Variants in ADGRB1 observed in about 807,000 individuals in gnomAD.
The protein encoded by ADGRB1 is brain-specific angiogenesis inhibitor 1.
In ADGRB1, 36 loss-of-function variants were observed where a neutral mutation model predicts 175.7. That is an observed-to-expected ratio of 0.20 (90% CI 0.16 to 0.27). The LOEUF (loss-of-function observed/expected upper bound fraction) is 0.27, where lower values mean the gene tolerates loss of function less well. Ranked by LOEUF, ADGRB1 falls within the 10% of genes least tolerant of loss-of-function variation. The pLI is 1.00. For synonymous variants in ADGRB1, 1,054 were observed against 979.4 expected (o/e 1.08, Z -1.42); for missense variants, 1,731 against 2,255.3 (o/e 0.77, Z 4.71).
chr8:142,486,772 A>G (rs1373254753), intron 13 of ADGRB1, among the ~76,000 whole-genome samples: 2 of 152,230 alleles, frequency 1.3e-5, no homozygotes, highest in African/African-American at 4.8e-5. Context: ...TAATCCCAGC[A>G]GTTCAGGAGG....
At position 142,462,311 on chromosome 8, in the gene ADGRB1, C is replaced by T. The variant is rs1299479357; in HGVS notation, c.-219-1669C>T. Among the ~76,000 whole-genome samples the T allele has an allele frequency of 2.6e-5, 4 of 152,320 alleles. No homozygotes were observed. In the East Asian group the frequency reaches 5.8e-4, roughly 22 times the overall value. On this transcript the variant is annotated intron_variant, in intron 1 of 30. Transcript: ENST00000517894. ...GCCAGCTTCCTCCCCCTGCTGGAAGCACTTCCTGCAGCCCCCTGGCTAAAA... is the reference window on the plus strand; with the variant it reads ...GCCAGCTTCCTCCCCCTGCTGGAAGTACTTCCTGCAGCCCCCTGGCTAAAA...
intron 2 of ADGRB1, among the ~76,000 whole-genome samples, chr8:142,472,531 C>T (rs1297792607): frequency 6.6e-6 from 1 of 152,226 alleles, no homozygotes; most frequent in Non-Finnish European, 1.5e-5. Context: ...AACACCTCTG[C>T]ACCCTGCACT....
rs1199284083 is a variant in ADGRB1, at chr8:142,492,411, G to A, written c.2675+1596G>A. ...GGTGATGCCCGGCCGTGCATGGGCC[G>A]GGAAGGGAAGCTAGCAGGGTCTGGA... is the stretch of plus-strand genomic sequence containing the variant. On this transcript the variant is annotated intron_variant, in intron 17 of 30. Transcript: ENST00000517894. This position sits in a 1 kb window ranked among gnomAD's most constrained non-coding sequence, Gnocchi z 4.4. Among the ~76,000 whole-genome samples, 2 of 152,162 alleles carry A rather than the reference G, an allele frequency of 1.3e-5. No homozygotes were observed. The highest frequency in any genetic ancestry group is 4.8e-5 in the African/African-American group (2 of 41,434).
At chr8:142,513,067 C>A (rs1465410040) in intron 18 of ADGRB1, among the ~76,000 whole-genome samples, 1 of 152,180 alleles carries the variant, frequency 6.6e-6, no homozygotes, top group Non-Finnish European at 1.5e-5. Flanking sequence ...GTTAGCCCAG[C>A]CCACGCACAC....
At chr8:142,518,341 C>G (rs1465070296) in intron 19 of ADGRB1, 100 bp downstream of exon 19, 2 of 1,260,886 alleles carry the variant, frequency 1.6e-6, no homozygotes, top group Admixed American at 1.8e-5. Flanking sequence ...GCCCCTCCCT[C>G]CATTTGTCCT....
rs1473989725 is a variant in ADGRB1, at chr8:142,464,360, C to T, written c.162C>T (p.Tyr54=). Residue 54 remains tyrosine, a synonymous_variant, in exon 2 of 31, where the codon TAC becomes TAT. Coordinates refer to ENST00000517894, the MANE Select transcript of ADGRB1 (RefSeq NM_001702.3). ...TGGTGCAGGGAAAGTTCTTCGGCTA[C>T]TTCTCCGCGGCCGCCGTGTTCCCGG... The part of the protein sequence containing the change: ...ATLVQGKFFG[Y]FSAAAVFPAN... 4 of 1,520,552 alleles carry T rather than the reference C, an allele frequency of 2.6e-6. No homozygotes were observed. The highest frequency in any genetic ancestry group is 3.5e-6 in the Non-Finnish European group (4 of 1,138,864). 94.2% of individuals were successfully genotyped at this position (1,520,552 alleles called of 1,614,324 possible). A position where few individuals can be genotyped will look rare whatever the true frequency, so the allele number is the denominator to read the frequency against.
Position 142,476,800 on chromosome 8 carries a change from C to G in ADGRB1, c.1057+105C>G, listed in dbSNP as rs940226306. The G allele has an allele frequency of 1.0e-5, 12 of 1,168,002 alleles. No homozygotes were observed. The African/African-American group carries it at 1.8e-4, about 18-fold the overall frequency. 72.4% of individuals were successfully genotyped at this position (1,168,002 alleles called of 1,614,324 possible). A position where few individuals can be genotyped will look rare whatever the true frequency, so the allele number is the denominator to read the frequency against. ...TAGTAACTTGAATAACATGCCATAA[C>G]TAGACTAAACCCTTAGGTGCAGGGC... On this transcript the variant is annotated intron_variant, in intron 4 of 30. Transcript: ENST00000517894.
At chr8:142,520,707 G>A (rs1193965253) in intron 19 of ADGRB1, 116 bp from the exon 20 acceptor site, 2 of 805,432 alleles carry the variant, frequency 2.5e-6, no homozygotes, top group Non-Finnish European at 4.3e-6. Flanking sequence ...GGTGCTGTTG[G>A]TGACAATGCC....
intron 1 of ADGRB1, among the ~76,000 whole-genome samples, chr8:142,457,629 G>A (rs1209289848): frequency 2.0e-5 from 3 of 152,162 alleles, no homozygotes; most frequent in Non-Finnish European, 4.4e-5. Flanking sequence ...ACGTGACCTG[G>A]GCTCTCTACG....
At chr8:142,469,255 GTGAA>G (rs1275602222) in intron 2 of ADGRB1, among the ~76,000 whole-genome samples, 1 of 150,636 alleles carries the variant, frequency 6.6e-6, no homozygotes, top group Non-Finnish European at 1.5e-5. Context: ...ATGCATGTGT[GTGAA>G]TGTGTGTGCA....
chr8:142,540,215 G>A (rs73714319), intron 27 of ADGRB1, among the ~76,000 whole-genome samples: 182 of 152,364 alleles, frequency 1.2e-3, no homozygotes, highest in African/African-American at 4.2e-3. Flanking sequence ...GACAGCCCCA[G>A]GTGGGGAGTG....
Position 142,522,122 on chromosome 8 carries a change from C to G in ADGRB1, c.3175+7C>G, listed in dbSNP as rs770731257. ...TTCCTCTGCCTGGGCTGGGGTGAGC[C>G]GCGGCCTTCCCGACCCTCCTGGACA... On this transcript the variant is annotated splice_region_variant and intron_variant, in intron 21 of 30. Coordinates refer to ENST00000517894, the MANE Select transcript of ADGRB1 (RefSeq NM_001702.3). The G allele has an allele frequency of 6.2e-7, 1 of 1,606,658 alleles. No homozygotes were observed. Among genetic ancestry groups the G allele is most frequent in the Non-Finnish European group, 8.5e-7 (1 of 1,179,402 alleles).
At chr8:142,518,588 G>A (rs1348529440) in intron 19 of ADGRB1, among the ~76,000 whole-genome samples, 1 of 152,180 alleles carries the variant, frequency 6.6e-6, no homozygotes, top group African/African-American at 2.4e-5. Context: ...CCCCAGTCAG[G>A]CCTTAAGGCC....
In ADGRB1 at chr8:142,543,279, T is replaced by C; in HGVS notation, c.4414-124T>C. 7.6e-7 allele frequency: 1 copy of C among 1,314,408 alleles called. No homozygotes were observed. The highest frequency in any genetic ancestry group is 1.3e-5 in the South Asian group (1 of 75,328). The allele number at this position is 1,314,408 out of a possible 1,614,324, so 81.4% of individuals were successfully genotyped here. A position where few individuals can be genotyped will look rare whatever the true frequency, so the allele number is the denominator to read the frequency against. Reference sequence around the variant, plus strand: ...CGCCCCCAGGCATGTCCCCTGGGTCTGGCCTGGTCCCTGAAGGCAGGCATG... The same window carrying C: ...CGCCCCCAGGCATGTCCCCTGGGTCCGGCCTGGTCCCTGAAGGCAGGCATG... On this transcript the variant is annotated intron_variant, in intron 28 of 30. Coordinates refer to ENST00000517894, the MANE Select transcript of ADGRB1 (RefSeq NM_001702.3). This position sits in a 1 kb window ranked among gnomAD's most constrained non-coding sequence, Gnocchi z 4.4.
intron 11 of ADGRB1, 94 bp downstream of exon 11, chr8:142,481,805 C>G: frequency 9.0e-7 from 1 of 1,114,154 alleles, no homozygotes; most frequent in South Asian, 1.7e-5. Flanking sequence ...ACCCTGGCCA[C>G]AGCCCAGGCC....
intron 11 of ADGRB1, among the ~76,000 whole-genome samples, chr8:142,482,145 C>A (rs1395236950): frequency 2.7e-5 from 4 of 149,302 alleles, no homozygotes; most frequent in African/African-American, 9.9e-5. Flanking sequence ...CAAACTGAGC[C>A]CTGATCCTGA....
intron 7 of ADGRB1, 112 bp downstream of exon 7, chr8:142,478,472 A>T: frequency 3.3e-6 from 4 of 1,203,254 alleles, no homozygotes; most frequent in Non-Finnish European, 3.3e-6. Flanking sequence ...CATGTGACTG[A>T]GGAGGGAGTG....
At position 142,483,669 on chromosome 8, in the gene ADGRB1, G is replaced by A. The variant is rs1841505000; in HGVS notation, c.2131-308G>A. Among the ~76,000 whole-genome samples the A allele has an allele frequency of 3.1e-5, 4 of 130,372 alleles. No individual in the cohort carries two copies. In the South Asian group the frequency reaches 9.9e-4, roughly 32 times the overall value. 85.5% of individuals were successfully genotyped at this position (130,372 alleles called of 152,430 possible). ...CTGGTCACACTGAGCCCTGATCCTG[G>A]TCACACACTGAGCCCTGACACTGCA... On this transcript the variant is annotated intron_variant, in intron 11 of 30. Transcript: ENST00000517894.
In ADGRB1 at chr8:142,469,472, CAT is replaced by C. The variant is rs773961872; in HGVS notation, c.784+4491_784+4492del. Among the ~76,000 whole-genome samples, 120 of 114,786 alleles carry C rather than the reference CAT, an allele frequency of 1.0e-3. No homozygotes were observed. The Middle Eastern group carries it at 0.026, about 25-fold the overall frequency. The allele number at this position is 114,786 out of a possible 152,430, so 75.3% of individuals were successfully genotyped here. ...GTGCGTGAATGTGTGTATGCACGTG[CAT>C]GTGTGAGTGTGTATGCACGTGCATG... On this transcript the variant is annotated intron_variant, in intron 2 of 30. Coordinates refer to ENST00000517894, the MANE Select transcript of ADGRB1 (RefSeq NM_001702.3).
Sources: gnomAD v4.1 joint callset for allele counts (sites outside exome capture counted in the v4.1 genomes callset) on GRCh38, gnomAD v4.1.1 for gene constraint, Gnocchi (gnomAD v3.1) non-coding constraint, MANE v1.5 for transcripts, NCBI Gene and HGNC (gene_info 2026-07-23, HGNC 2026-07-21) for gene names.